CASP10: variants seen among roughly 807,000 people sequenced by gnomAD.
CASP10 encodes the protein caspase 10.
A neutral mutation model predicts 48.5 loss-of-function variants in CASP10; 41 were observed. The observed-to-expected ratio is 0.85, with a 90% CI of 0.66 to 1.10. CASP10 has a LOEUF of 1.10. CASP10 is among the 50% of genes least tolerant of loss of function. The pLI, the probability that CASP10 is intolerant of heterozygous loss-of-function variation, is 0.00. For missense variants in CASP10, 614 were observed against 614.5 expected, an observed-to-expected ratio of 1.00 and a Z score of 0.01; for synonymous variants, 232 against 238.4, an observed-to-expected ratio of 0.97 and a Z score of 0.25.
Position 201,218,350 on chromosome 2 carries a change from T to C in CASP10, c.*609T>C. The C allele has an allele frequency of 1.0e-6, 1 of 982,666 alleles. No individual in the cohort carries two copies. The highest frequency in any genetic ancestry group is 4.6e-5 in the South Asian group (1 of 21,854). The allele number at this position is 982,666 out of a possible 1,614,324, so 60.9% of individuals were successfully genotyped here. ...GACAGAGTCACTCCGTCACCTGGGC[T>C]GGAGTGCAGTGGTGGGATCACTGTT... On this transcript the variant is annotated 3_prime_UTR_variant, in exon 10 of 10. Transcript: ENST00000286186.
chr2:201,227,663 TCTC>T (rs1236182634), intron 9 of CASP10, among the ~76,000 whole-genome samples: 2 of 151,868 alleles, frequency 1.3e-5, no homozygotes, highest in Admixed American at 1.3e-4. Context: ...TTCATGCCAT[TCTC>T]CTGCCTCAGC....
Position 201,202,976 on chromosome 2 carries a change from A to C in CASP10, c.685-754A>C, listed in dbSNP as rs564213422. Among the ~76,000 whole-genome samples the C allele has an allele frequency of 5.9e-5, 9 of 152,290 alleles. No homozygotes were observed. In the South Asian group the frequency reaches 1.9e-3, roughly 32 times the overall value. On this transcript the variant is annotated intron_variant, in intron 5 of 9. Coordinates refer to ENST00000286186, the MANE Select transcript of CASP10 (RefSeq NM_032977.4). ...TTGATTTATCTTATTACTTTTGAAA[A>C]AAATCCAACGTATATCTTCCCTTTA...
chr2:201,191,406 G>A (rs41438950), intron 3 of CASP10, among the ~76,000 whole-genome samples: 1 of 152,114 alleles, frequency 6.6e-6, no homozygotes, highest in African/African-American at 2.4e-5. Context: ...GGGGCGGGGT[G>A]GGGAGATCTC....
At chr2:201,212,069 C>A in intron 9 of CASP10, among the ~76,000 whole-genome samples, 1 of 152,176 alleles carries the variant, frequency 6.6e-6, no homozygotes, top group East Asian at 1.9e-4. Flanking sequence ...CTGCCTCAGT[C>A]TCCCGAGTAG....
At position 201,200,482 on chromosome 2, in the gene CASP10, A is replaced by G. The variant is rs573460564; in HGVS notation, c.685-3248A>G. 4.4e-6 allele frequency: 7 copies of G among 1,598,382 alleles called. No homozygotes were observed. In the African/African-American group the frequency reaches 8.0e-5, roughly 18 times the overall value. On this transcript the variant is annotated intron_variant, in intron 5 of 9. Coordinates refer to ENST00000286186, the MANE Select transcript of CASP10 (RefSeq NM_032977.4). The stretch of plus-strand genomic sequence containing the variant: ...TTTTTTAAATGAAGGAGACCGTGGA[A>G]ACTCGCCAGATGACCTGTAGCTCCT...
Position 201,190,934 on chromosome 2 carries a change from T to C in CASP10, c.442-2050T>C, listed in dbSNP as rs1471877533. Among the ~76,000 whole-genome samples the C allele has an allele frequency of 2.0e-5, 3 of 152,096 alleles. No homozygotes were observed. The East Asian group carries it at 5.8e-4, about 29-fold the overall frequency. ...TGGAGTGCAATGGTGCCATCTCGGCTCACTGCAACCTCTGCCTCCTGGGTT... is the reference window on the plus strand; with the variant it reads ...TGGAGTGCAATGGTGCCATCTCGGCCCACTGCAACCTCTGCCTCCTGGGTT... On this transcript the variant is annotated intron_variant, in intron 3 of 9. Transcript: ENST00000286186.
Position 201,195,838 on chromosome 2 carries a change from T to G in CASP10, c.578-4T>G. On this transcript the variant is annotated splice_region_variant and splice_polypyrimidine_tract_variant and intron_variant, in intron 4 of 9. Coordinates refer to ENST00000286186, the MANE Select transcript of CASP10 (RefSeq NM_032977.4). ...TATTTTTCTGTCTGTGATTTTATTT[T>G]CAGCTATCCAGATAGTGACACCTCC... The G allele has an allele frequency of 6.2e-7, 1 of 1,604,416 alleles. No homozygotes were observed. The highest frequency in any genetic ancestry group is 8.5e-7 in the Non-Finnish European group (1 of 1,171,248).
At chr2:201,203,123 A>C (rs982330545) in intron 5 of CASP10, among the ~76,000 whole-genome samples, 3 of 152,162 alleles carry the variant, frequency 2.0e-5, no homozygotes, top group Admixed American at 2.0e-4. Context: ...GACATACCAC[A>C]GCTTTTTCAA....
intron 1 of CASP10, 62 bp downstream of exon 1, chr2:201,183,370 A>G (rs1476708985): frequency 6.6e-6 from 1 of 152,182 alleles, no homozygotes; most frequent in African/African-American, 2.4e-5. Context: ...CCTTTGCTTC[A>G]TGGCTTCGTG....
intron 1 of CASP10, 123 bp from the exon 2 acceptor site, chr2:201,185,648 G>T (rs1257884032): frequency 1.4e-6 from 1 of 718,456 alleles, no homozygotes; most frequent in African/African-American, 1.8e-5. Context: ...TTATTTTTCA[G>T]CACTTCTAGG....
chr2:201,190,852 T>C (rs993534780), intron 3 of CASP10, among the ~76,000 whole-genome samples: 51 of 150,914 alleles, frequency 3.4e-4, no homozygotes, highest in Non-Finnish European at 1.3e-4. Flanking sequence ...GCTACAGAAT[T>C]ATTATTATTA....
chr2:201,224,828 A>G (rs1488071566), downstream of CASP10, among the ~76,000 whole-genome samples: 5 of 152,228 alleles, frequency 3.3e-5, no homozygotes, highest in Non-Finnish European at 5.9e-5. Flanking sequence ...TTCTGATTAC[A>G]TAGTAATGTA....
In CASP10 at chr2:201,220,180, C is replaced by T. The variant is rs901036443; in HGVS notation, c.*2439C>T. 5.1e-6 allele frequency: 5 copies of T among 980,672 alleles called. No individual in the cohort carries two copies. The Admixed American group carries it at 1.8e-4, about 36-fold the overall frequency. The allele number at this position is 980,672 out of a possible 1,614,324, so 60.7% of individuals were successfully genotyped here. The stretch of plus-strand genomic sequence containing the variant: ...ATCTATATTGACAGGGCAGGAACAC[C>T]GTCATCTTAGACAAACACCGCCACT... On this transcript the variant is annotated 3_prime_UTR_variant, in exon 10 of 10. Coordinates refer to ENST00000286186, the MANE Select transcript of CASP10 (RefSeq NM_032977.4).
chr2:201,227,925 C>T (rs1307646954), intron 9 of CASP10, among the ~76,000 whole-genome samples: 4 of 152,112 alleles, frequency 2.6e-5, no homozygotes, highest in South Asian at 2.1e-4. Context: ...GTCATCTTCA[C>T]CATGACACCC....
chr2:201,185,000 T>C (rs1416262314), intron 1 of CASP10, among the ~76,000 whole-genome samples: 1 of 152,146 alleles, frequency 6.6e-6, no homozygotes, highest in Non-Finnish European at 1.5e-5. Context: ...ATTTATTTAT[T>C]TTTCTTTTTG....
At chr2:201,192,903 G>A in intron 3 of CASP10, 81 bp from the exon 4 acceptor site, 2 of 1,425,476 alleles carry the variant, frequency 1.4e-6, no homozygotes, top group South Asian at 2.3e-5. Context: ...AAAACCTAGT[G>A]CCTACTGGCC....
rs755324609 is a variant in CASP10 at position 201,219,138 on chromosome 2, C to T, written c.*1397C>T. ...CACAAAAATTAGCCAGGTGTGGCGGCGAGCACCTGTAATCCCAGCTACTCG... is the reference window on the plus strand; with the variant it reads ...CACAAAAATTAGCCAGGTGTGGCGGTGAGCACCTGTAATCCCAGCTACTCG... On this transcript the variant is annotated 3_prime_UTR_variant, in exon 10 of 10. Coordinates refer to ENST00000286186, the MANE Select transcript of CASP10 (RefSeq NM_032977.4). 3.0e-5 allele frequency: 8 copies of T among 265,384 alleles called. No individual in the cohort carries two copies. The highest frequency in any genetic ancestry group is 4.6e-5 in the African/African-American group (2 of 43,378). The allele number at this position is 265,384 out of a possible 1,614,324, so 16.4% of individuals were successfully genotyped here.
chr2:201,203,458 T>A (rs747464473), intron 5 of CASP10, among the ~76,000 whole-genome samples: 2 of 152,004 alleles, frequency 1.3e-5, no homozygotes, highest in Non-Finnish European at 2.9e-5. Flanking sequence ...TGGCATGCGC[T>A]ACCACACCCG....
At chr2:201,186,280 T>C (rs951738967) in intron 2 of CASP10, 156 bp downstream of exon 2, 7 of 662,758 alleles carry the variant, frequency 1.1e-5, no homozygotes, top group African/African-American at 1.8e-5. Context: ...CAGCCTCTGA[T>C]GCTAATGAGA....
Sources: gnomAD v4.1 joint callset for allele counts (sites outside exome capture counted in the v4.1 genomes callset) on GRCh38, gnomAD v4.1.1 for gene constraint, MANE v1.5 for transcripts, NCBI Gene and HGNC (gene_info 2026-07-23, HGNC 2026-07-21) for gene names.